The following MTMR1 variants were observed in gnomAD, a reference collection of about 807,000 sequenced individuals.
MTMR1 encodes phosphatidylinositol-3-phosphate phosphatase MTMR1.
In MTMR1, 17 loss-of-function variants were observed where a neutral mutation model predicts 51.6. The observed-to-expected ratio is 0.33, with a 90% CI of 0.23 to 0.49. MTMR1 has a LOEUF of 0.49. MTMR1 is among the 20% of genes least tolerant of loss of function. The pLI is 0.99. For missense variants in MTMR1, 386 were observed against 526.9 expected, an observed-to-expected ratio of 0.73 and a Z score of 2.62; for synonymous variants, 201 against 205.6, an observed-to-expected ratio of 0.98 and a Z score of 0.19.
Position 150,731,529 on chromosome X carries a change from C to T in MTMR1, c.801C>T (p.Asp267=), listed in dbSNP as rs781905972. Residue 267 remains aspartate (D), a synonymous_variant, in exon 9 of 16, where the codon GAC becomes GAT. Coordinates refer to ENST00000445323, the MANE Select transcript of MTMR1 (RefSeq NM_001306144.3). ...TAAACAGTAATTATGAGTTCTGTGACACCTACCCTGCCATCATTGTTGTGC... is the reference window on the plus strand; with the variant it reads ...TAAACAGTAATTATGAGTTCTGTGATACCTACCCTGCCATCATTGTTGTGC... ...SKINSNYEFC[D]TYPAIIVVPT... is the part of the protein sequence containing the mutation. 8.3e-7 allele frequency: 1 copy of T among 1,207,761 alleles called. No individual in the cohort carries two copies. The highest frequency in any genetic ancestry group is 2.2e-5 in the Admixed American group (1 of 45,702).
At chrX:150,699,486 T>C (rs781868394) in intron 2 of MTMR1, among the ~76,000 whole-genome samples, 186 bp downstream of exon 2, 6 of 112,500 alleles carry the variant, frequency 5.3e-5, no homozygotes, top group African/African-American at 1.9e-4. Flanking sequence ...ATCCAGTACA[T>C]GTAGTCATAG....
chrX:150,753,764 A>AG (rs1301334546), intron 14 of MTMR1, among the ~76,000 whole-genome samples: 7 of 111,897 alleles, frequency 6.3e-5, no homozygotes, highest in African/African-American at 1.9e-4. Flanking sequence ...CTCCCACTCT[A>AG]GGGGTTGTTT....
intron 15 of MTMR1, among the ~76,000 whole-genome samples, chrX:150,758,654 G>A (rs782666158): frequency 1.8e-5 from 2 of 110,747 alleles, no homozygotes; most frequent in Non-Finnish European, 3.8e-5. Context: ...AGCCAGGTGT[G>A]GTGGTGCACG....
chrX:150,709,495 A>G (rs916642895), intron 2 of MTMR1, among the ~76,000 whole-genome samples: 1 of 112,361 alleles, frequency 8.9e-6, no homozygotes, highest in Non-Finnish European at 1.9e-5. Flanking sequence ...TATAACTCCC[A>G]TATATGAGGT....
chrX:150,727,722 C>T lies in MTMR1; in HGVS notation c.486C>T (p.Ile162=). ...TCCTTGATGTTCCCCTTGGAGTGAT[C>T]AGCAGAGTGGAGAAGATTGGAGCAC... is the stretch of plus-strand genomic sequence containing the variant. ...HFILDVPLGV[I]SRVEKIGAQS... The change falls in exon 6 of 16, where the codon ATC becomes ATT. Residue 162 remains isoleucine (I), a synonymous_variant. Coordinates refer to ENST00000445323, the MANE Select transcript of MTMR1 (RefSeq NM_001306144.3). The T allele has an allele frequency of 8.3e-7, 1 of 1,211,289 alleles. No homozygotes were observed. Among genetic ancestry groups the T allele is most frequent in the South Asian group, 1.8e-5 (1 of 56,920 alleles).
rs2041898888 is a variant in MTMR1 at position 150,725,620 on chromosome X, T to A, written c.353-1595T>A. ...ATTGTATGCTGCTTCATGTACAGGATAAGAACCTTATAGTAGTATACTCCC... is the reference window on the plus strand; with the variant it reads ...ATTGTATGCTGCTTCATGTACAGGAAAAGAACCTTATAGTAGTATACTCCC... On this transcript the variant is annotated intron_variant, in intron 4 of 15. Transcript: ENST00000445323. Among the ~76,000 whole-genome samples the A allele has an allele frequency of 3.6e-5, 4 of 112,283 alleles. No individual in the cohort carries two copies. In the South Asian group the frequency reaches 1.5e-3, roughly 42 times the overall value.
At chrX:150,750,250 G>A (rs1307085692) in intron 13 of MTMR1, among the ~76,000 whole-genome samples, 1 of 112,029 alleles carries the variant, frequency 8.9e-6, no homozygotes, top group Non-Finnish European at 1.9e-5. Context: ...GTCACTTTGG[G>A]TACATGTTAT....
At chrX:150,740,042 TC>T (rs1480747257) in intron 12 of MTMR1, among the ~76,000 whole-genome samples, 1 of 111,563 alleles carries the variant, frequency 9.0e-6, no homozygotes, top group Non-Finnish European at 1.9e-5. Flanking sequence ...CTTCCCTTTA[TC>T]CTGCCTCCAT....
intron 2 of MTMR1, among the ~76,000 whole-genome samples, chrX:150,708,734 C>T (rs1349565733): frequency 2.7e-5 from 3 of 110,750 alleles, no homozygotes; most frequent in Admixed American, 9.6e-5. Flanking sequence ...AGCTGAGACT[C>T]ATCAACTGAA....
rs376303581 is a variant in MTMR1, at chrX:150,736,792, C to T, written c.1266+12C>T. Reference sequence around the variant, plus strand: ...TGGAATATATAAGGGTAAAGAGATCCAGCACTTTATATGCTTTCCAGTTAA... The same window carrying T: ...TGGAATATATAAGGGTAAAGAGATCTAGCACTTTATATGCTTTCCAGTTAA... On this transcript the variant is annotated intron_variant, in intron 11 of 15. Coordinates refer to ENST00000445323, the MANE Select transcript of MTMR1 (RefSeq NM_001306144.3). The T allele has an allele frequency of 5.8e-5, 68 of 1,177,754 alleles. No individual in the cohort carries two copies. Among genetic ancestry groups the T allele is most frequent in the Non-Finnish European group, 7.0e-5 (61 of 877,116 alleles).
At chrX:150,714,978 CAT>C (rs1205332351) in intron 3 of MTMR1, among the ~76,000 whole-genome samples, 3 of 112,143 alleles carry the variant, frequency 2.7e-5, no homozygotes, top group African/African-American at 9.7e-5. Context: ...CAAAATTATT[CAT>C]AGAGTATTCT....
At position 150,732,706 on chromosome X, in the gene MTMR1, A is replaced by G. The variant is rs1557417035; in HGVS notation, c.1056A>G (p.Gln352=). 1 of 1,206,886 alleles carries G rather than the reference A, an allele frequency of 8.3e-7. No individual in the cohort carries two copies. Among genetic ancestry groups the G allele is most frequent in the East Asian group, 3.0e-5 (1 of 33,678 alleles). ...SHKLIIFDAR[Q]NSVADTNKTK... is the part of the protein sequence containing the mutation. Reference sequence around the variant, plus strand: ...AGCTTATCATCTTTGATGCTCGACAAAACAGTGTCGCTGATACCAACAAGG... The same window carrying G: ...AGCTTATCATCTTTGATGCTCGACAGAACAGTGTCGCTGATACCAACAAGG... The change falls in exon 10 of 16, where the codon CAA becomes CAG. Residue 352 remains glutamine (Q), a synonymous_variant. Transcript: ENST00000445323.
intron 13 of MTMR1, among the ~76,000 whole-genome samples, chrX:150,744,896 A>G (rs2042533829): frequency 8.9e-6 from 1 of 112,129 alleles, no homozygotes; most frequent in Non-Finnish European, 1.9e-5. Flanking sequence ...TCTCCCACCC[A>G]AGGTCACTGA....
chrX:150,755,575 T>C, intron 14 of MTMR1, 114 bp from the exon 15 acceptor site: 1 of 567,345 alleles, frequency 1.8e-6, no homozygotes, highest in Non-Finnish European at 2.6e-6. Flanking sequence ...TAGACATTCA[T>C]GAATTTTTCA....
chrX:150,719,326 C>T (rs1170806659), intron 4 of MTMR1, among the ~76,000 whole-genome samples: 1 of 111,682 alleles, frequency 9.0e-6, no homozygotes, highest in Admixed American at 9.5e-5. Flanking sequence ...CTTCTTCCAT[C>T]ATGGCTTTCT....
Position 150,764,968 on chromosome X carries a change from A to AT in MTMR1, c.*2244dup, listed in dbSNP as rs1336557602. ...AGTAAGTAAGTAAGTATCTTAGTAG[A>AT]TTTTTCCTTTGAGGAAAATCGGTAA... On this transcript the variant is annotated 3_prime_UTR_variant, in exon 16 of 16. Transcript: ENST00000445323. The AT allele has an allele frequency of 3.6e-5, 4 of 112,245 alleles. No individual in the cohort carries two copies. Among genetic ancestry groups the AT allele is most frequent in the African/African-American group, 1.3e-4 (4 of 30,818 alleles). The allele number at this position is 112,245 out of a possible 1,213,427, so 9.3% of individuals were successfully genotyped here.
chrX:150,693,612 C>T lies in MTMR1; in HGVS notation c.82C>T (p.Pro28Ser). 1 of 757,275 alleles carries T rather than the reference C, an allele frequency of 1.3e-6. No homozygotes were observed. The highest frequency in any genetic ancestry group is 1.6e-6 in the Non-Finnish European group (1 of 641,847). The allele number at this position is 757,275 out of a possible 1,213,427, so 62.4% of individuals were successfully genotyped here. ...PNPGPAGGRR[P>S]PRAAGGATAG... ...CCCGGGGCCGGCGGGCGGCAGGAGG[C>T]CTCCTCGGGCCGCGGGGGGCGCCAC... Residue 28 changes from proline (P) to serine (S), a missense_variant, in exon 1 of 16, where the codon CCT becomes TCT. Transcript: ENST00000445323.
intron 2 of MTMR1, among the ~76,000 whole-genome samples, chrX:150,703,178 G>A (rs956300163): frequency 8.9e-6 from 1 of 112,177 alleles, no homozygotes; most frequent in African/African-American, 3.2e-5. Flanking sequence ...ATTGATCACA[G>A]CTTCCATTGT....
chrX:150,760,373 T>C (rs782233470), intron 15 of MTMR1, among the ~76,000 whole-genome samples: 1 of 98,991 alleles, frequency 1.0e-5, no homozygotes, highest in Non-Finnish European at 2.3e-5. Context: ...TTGGGCCTCT[T>C]TTCTCTGAGA....
Sources: allele counts gnomAD v4.1 joint callset (sites outside exome capture counted in the v4.1 genomes callset), GRCh38; gene constraint gnomAD v4.1.1; transcripts MANE v1.5; gene names NCBI Gene and HGNC (gene_info 2026-07-23, HGNC 2026-07-21).